The following PRKCE variants were observed in gnomAD, a reference collection of about 807,000 sequenced individuals.
The protein encoded by PRKCE is protein kinase C epsilon type.
In PRKCE, 16 loss-of-function variants were observed where a neutral mutation model predicts 85.4. The ratio of observed to expected loss-of-function variants is 0.19; its 90% CI spans 0.13 to 0.28. PRKCE has a LOEUF of 0.28. Ranked by LOEUF, PRKCE falls within the 10% of genes least tolerant of loss-of-function variation. PRKCE has a pLI of 1.00. For synonymous variants in PRKCE, 388 were observed against 371.5 expected, an observed-to-expected ratio of 1.04 and a Z score of -0.51; for missense variants, 573 against 975.2, an observed-to-expected ratio of 0.59 and a Z score of 5.49.
At chr2:45,939,588 C>A (rs1210834854) in intron 2 of PRKCE, among the ~76,000 whole-genome samples, 1 of 151,592 alleles carries the variant, frequency 6.6e-6, no homozygotes, top group African/African-American at 2.4e-5. Flanking sequence ...AGGCGTCTCA[C>A]TCTATCGCTA....
chr2:45,798,047 C>T (rs1687578045), intron 1 of PRKCE, among the ~76,000 whole-genome samples: 1 of 152,152 alleles, frequency 6.6e-6, no homozygotes, highest in Admixed American at 6.5e-5. Flanking sequence ...AAGTGATTAA[C>T]CCAGGAGCCA....
chr2:45,920,502 C>G (rs1698171810), intron 2 of PRKCE, among the ~76,000 whole-genome samples: 1 of 152,094 alleles, frequency 6.6e-6, no homozygotes, highest in African/African-American at 2.4e-5. Flanking sequence ...CAGAAGCAAC[C>G]CAAATGCCGT....
At chr2:45,917,687 G>T (rs1258465703) in intron 2 of PRKCE, among the ~76,000 whole-genome samples, 1 of 152,226 alleles carries the variant, frequency 6.6e-6, no homozygotes, top group African/African-American at 2.4e-5. Context: ...TCAGCCCTTG[G>T]GTGGTCGATG....
At chr2:46,173,836 G>T (rs760788527) in intron 14 of PRKCE, among the ~76,000 whole-genome samples, 3 of 152,256 alleles carry the variant, frequency 2.0e-5, no homozygotes, top group Non-Finnish European at 4.4e-5. Flanking sequence ...TTTGCTGAGT[G>T]TAGGGGAGGA....
intron 11 of PRKCE, among the ~76,000 whole-genome samples, chr2:46,103,809 A>C (rs979911872): frequency 2.6e-4 from 40 of 152,328 alleles, no homozygotes; most frequent in African/African-American, 9.6e-4. Flanking sequence ...GAAGTGGATC[A>C]TCATAAAGGT....
chr2:45,652,575 G>C lies in PRKCE; in HGVS notation c.348+127G>C, dbSNP rs1309347413. On this transcript the variant is annotated intron_variant, in intron 1 of 14. Transcript: ENST00000306156. This position sits in a 1 kb window ranked among gnomAD's most constrained non-coding sequence, Gnocchi z 7.7. ...GGGGTGTGTGTGCCTGTAAGTCTCA[G>C]TTTCCTTGGGGAGGTACACTTCACT... is the stretch of plus-strand genomic sequence containing the variant. 1 of 907,214 alleles carries C rather than the reference G, an allele frequency of 1.1e-6. No individual in the cohort carries two copies. Among genetic ancestry groups the C allele is most frequent in the Admixed American group, 2.9e-5 (1 of 34,958 alleles). The allele number at this position is 907,214 out of a possible 1,614,324, so 56.2% of individuals were successfully genotyped here. A position where few individuals can be genotyped will look rare whatever the true frequency, so the allele number is the denominator to read the frequency against.
intron 2 of PRKCE, among the ~76,000 whole-genome samples, chr2:45,945,655 G>A (rs937469426): frequency 2.6e-5 from 4 of 152,152 alleles, no homozygotes; most frequent in African/African-American, 7.2e-5. Context: ...GAGCTATCAC[G>A]TTCAACCCTC....
chr2:45,764,135 G>C (rs1684728018), intron 1 of PRKCE, among the ~76,000 whole-genome samples: 1 of 152,090 alleles, frequency 6.6e-6, no homozygotes, highest in Non-Finnish European at 1.5e-5. Context: ...ATCTTAGGAG[G>C]AACCAAAAAG....
At chr2:46,134,769 A>G (rs759242606) in intron 11 of PRKCE, among the ~76,000 whole-genome samples, 2 of 152,244 alleles carry the variant, frequency 1.3e-5, no homozygotes, top group Non-Finnish European at 2.9e-5. Flanking sequence ...AGCTGTTTTG[A>G]TGACCAAGTT....
At chr2:45,769,541 C>T (rs145232335) in intron 1 of PRKCE, among the ~76,000 whole-genome samples, 18 of 152,284 alleles carry the variant, frequency 1.2e-4, no homozygotes, top group African/African-American at 4.3e-4. Context: ...GCCCCGGAAA[C>T]TGAAGAACTA....
chr2:45,930,031 T>C (rs1050228623), intron 2 of PRKCE, among the ~76,000 whole-genome samples: 2 of 152,262 alleles, frequency 1.3e-5, no homozygotes, highest in Non-Finnish European at 2.9e-5. Context: ...AAAGGTCGTA[T>C]ATCATGGTTT....
chr2:45,996,292 A>G (rs1407319015), intron 6 of PRKCE, among the ~76,000 whole-genome samples: 2 of 152,178 alleles, frequency 1.3e-5, no homozygotes, highest in Non-Finnish European at 2.9e-5. Flanking sequence ...CAATCATATC[A>G]TCTACAAACA....
intron 1 of PRKCE, among the ~76,000 whole-genome samples, chr2:45,732,001 G>A (rs1430683388): frequency 6.6e-6 from 1 of 152,126 alleles, no homozygotes; most frequent in East Asian, 1.9e-4. Flanking sequence ...TTCACTGTCA[G>A]CCACAGTCCT....
intron 2 of PRKCE, among the ~76,000 whole-genome samples, chr2:45,889,941 G>T (rs12104557): frequency 0.022 from 3,277 of 152,300 alleles, 107 homozygotes; most frequent in African/African-American, 0.074. Context: ...CAAATCCTCA[G>T]TGGTCAGTCC....
intron 1 of PRKCE, among the ~76,000 whole-genome samples, chr2:45,755,660 G>A (rs1251044890): frequency 6.6e-6 from 1 of 152,236 alleles, no homozygotes; most frequent in African/African-American, 2.4e-5. Context: ...TATGCTGCAT[G>A]AGGGCAGCGA....
intron 10 of PRKCE, among the ~76,000 whole-genome samples, chr2:46,039,028 T>C (rs150439238): frequency 7.7e-4 from 118 of 152,330 alleles, no homozygotes; most frequent in East Asian, 6.9e-3. Context: ...TTTAGCGTGG[T>C]AGTAAGAATA....
Position 46,178,417 on chromosome 2 carries a change from G to A in PRKCE, c.2068-6318G>A, listed in dbSNP as rs967671725. Reference sequence around the variant, plus strand: ...AACAAAATTATAAAGAGGAAGAAGGGATGACAGATGATTATGTTTAGAGAA... The same window carrying A: ...AACAAAATTATAAAGAGGAAGAAGGAATGACAGATGATTATGTTTAGAGAA... On this transcript the variant is annotated intron_variant, in intron 14 of 14. Transcript: ENST00000306156. Among the ~76,000 whole-genome samples the A allele has an allele frequency of 3.9e-5, 6 of 152,316 alleles. No homozygotes were observed. The East Asian group carries it at 9.6e-4, about 24-fold the overall frequency.
intron 1 of PRKCE, among the ~76,000 whole-genome samples, chr2:45,779,982 A>G (rs1001068724): frequency 1.3e-5 from 2 of 152,180 alleles, no homozygotes; most frequent in African/African-American, 4.8e-5. Flanking sequence ...ACCTCACTCC[A>G]TAGGTTCTCC....
intron 10 of PRKCE, among the ~76,000 whole-genome samples, chr2:46,067,482 G>C (rs1194280718): frequency 6.6e-6 from 1 of 152,202 alleles, no homozygotes; most frequent in Non-Finnish European, 1.5e-5. Flanking sequence ...CCTGGCCTTT[G>C]CTCCCTGCAG....
Sources: gnomAD v4.1 joint callset for allele counts (sites outside exome capture counted in the v4.1 genomes callset) on GRCh38, gnomAD v4.1.1 for gene constraint, Gnocchi (gnomAD v3.1) non-coding constraint, MANE v1.5 for transcripts, NCBI Gene and HGNC (gene_info 2026-07-23, HGNC 2026-07-21) for gene names.